PPARGC1B: variants seen among roughly 807,000 people sequenced by gnomAD.
PPARGC1B encodes the protein peroxisome proliferator-activated receptor gamma coactivator 1-beta.
In PPARGC1B, 34 loss-of-function variants were observed where a neutral mutation model predicts 101.6. The ratio of observed to expected loss-of-function variants is 0.33; its 90% CI spans 0.25 to 0.45. The LOEUF is 0.45. Ranked by LOEUF, PPARGC1B falls within the 20% of genes least tolerant of loss-of-function variation. The probability of loss-of-function intolerance (pLI) is 1.00; values close to 1 mark genes in which losing one functional copy is unlikely to be tolerated. For synonymous variants in PPARGC1B, 548 were observed against 539.3 expected (o/e 1.02, Z -0.22); for missense variants, 1,234 against 1,317.6 (o/e 0.94, Z 0.98).
chr5:149,731,953 G>T (rs905291638), intron 1 of PPARGC1B, among the ~76,000 whole-genome samples: 9 of 152,154 alleles, frequency 5.9e-5, no homozygotes, highest in Non-Finnish European at 1.0e-4. Flanking sequence ...GCGCGCTCGG[G>T]TGGGTTCGCG....
At position 149,832,096 on chromosome 5, in the gene PPARGC1B, C is replaced by T. The variant is rs1285337250; in HGVS notation, c.583-560C>T. 1.3e-5 allele frequency among the ~76,000 whole-genome samples: 2 copies of T among 151,968 alleles called. No individual in the cohort carries two copies. The highest frequency in any genetic ancestry group is 1.5e-5 in the Non-Finnish European group (1 of 67,986). On this transcript the variant is annotated intron_variant, in intron 4 of 11. Coordinates refer to ENST00000309241, the MANE Select transcript of PPARGC1B (RefSeq NM_133263.4). The surrounding 1 kb of genome is among the most constrained non-coding windows in gnomAD (Gnocchi z 4.9). ...CTGAGGCGGGAGGATCACTTGAGCT[C>T]AGGAGTTCAAGACCAGCCTGGCCAA...
chr5:149,812,912 A>G lies in PPARGC1B; in HGVS notation c.79-7521A>G, dbSNP rs564513396. ...GTGGGCTTCCACCCACTGGGAGGGG[A>G]ATGGGTAAGAGGCAGGCCAAATAAC... On this transcript the variant is annotated intron_variant, in intron 1 of 11. Coordinates refer to ENST00000309241, the MANE Select transcript of PPARGC1B (RefSeq NM_133263.4). Among the ~76,000 whole-genome samples the G allele has an allele frequency of 7.9e-5, 12 of 152,232 alleles. No homozygotes were observed. In the South Asian group the frequency reaches 2.5e-3, roughly 32 times the overall value.
intron 10 of PPARGC1B, among the ~76,000 whole-genome samples, chr5:149,843,715 A>G (rs1759438909): frequency 6.6e-6 from 1 of 152,238 alleles, no homozygotes; most frequent in African/African-American, 2.4e-5. Context: ...GACATTATTT[A>G]CAATAGCCAA....
chr5:149,756,476 A>C (rs1366996715), intron 1 of PPARGC1B, among the ~76,000 whole-genome samples: 2 of 152,034 alleles, frequency 1.3e-5, no homozygotes, highest in African/African-American at 4.8e-5. Context: ...AAAACAAAAA[A>C]CCAAAACAAC....
chr5:149,769,835 GCCCTGACCCTGA>G (rs143875388), intron 1 of PPARGC1B, among the ~76,000 whole-genome samples: 1 of 152,040 alleles, frequency 6.6e-6, no homozygotes, highest in Admixed American at 6.5e-5. Context: ...TCCTTCTCTG[GCCCTGACCCTGA>G]CCCTGACCCT....
intron 9 of PPARGC1B, among the ~76,000 whole-genome samples, chr5:149,841,460 T>G (rs1479023859): frequency 3.9e-5 from 6 of 152,202 alleles, no homozygotes; most frequent in Non-Finnish European, 7.3e-5. Flanking sequence ...GTTTTCTTCC[T>G]TGGCATGTGT....
chr5:149,741,957 C>G (rs1754924339), intron 1 of PPARGC1B, among the ~76,000 whole-genome samples: 1 of 152,092 alleles, frequency 6.6e-6, no homozygotes, highest in Non-Finnish European at 1.5e-5. Flanking sequence ...TAACATGAAC[C>G]CTGGTGTTAA....
At chr5:149,795,349 CATG>C (rs1757170180) in intron 1 of PPARGC1B, among the ~76,000 whole-genome samples, 1 of 152,156 alleles carries the variant, frequency 6.6e-6, no homozygotes, top group East Asian at 1.9e-4. Context: ...GGACCTATCT[CATG>C]AGGTACCTGC....
downstream of PPARGC1B, among the ~76,000 whole-genome samples, chr5:149,857,312 A>G (rs1759981168): frequency 6.6e-6 from 1 of 152,248 alleles, no homozygotes; most frequent in Non-Finnish European, 1.5e-5. Context: ...GGTGCTAACC[A>G]TAGTCCTCTG....
chr5:149,777,106 G>A (rs1459617652), intron 1 of PPARGC1B, among the ~76,000 whole-genome samples: 1 of 152,224 alleles, frequency 6.6e-6, no homozygotes, highest in African/African-American at 2.4e-5. Context: ...AGCAAGGCGA[G>A]GCTAGAATTC....
At chr5:149,749,500 C>A (rs923278303) in intron 1 of PPARGC1B, among the ~76,000 whole-genome samples, 1 of 152,188 alleles carries the variant, frequency 6.6e-6, no homozygotes, top group Non-Finnish European at 1.5e-5. Context: ...ATCTTGAATT[C>A]TTTTTGGAGC....
chr5:149,748,289 A>AT (rs941019542), intron 1 of PPARGC1B, among the ~76,000 whole-genome samples: 3 of 97,204 alleles, frequency 3.1e-5, no homozygotes, highest in African/African-American at 1.4e-4. Context: ...GGGTGAAGAG[A>AT]TATAGATATA....
At chr5:149,844,495 C>T (rs1561637357) in intron 10 of PPARGC1B, among the ~76,000 whole-genome samples, 1 of 152,108 alleles carries the variant, frequency 6.6e-6, no homozygotes, top group African/African-American at 2.4e-5. Flanking sequence ...AAAAATTACC[C>T]GGGCGTGGTG....
chr5:149,770,290 A>T lies in PPARGC1B; in HGVS notation c.78+39870A>T, dbSNP rs111351164. Among the ~76,000 whole-genome samples, 47 of 152,090 alleles carry T rather than the reference A, an allele frequency of 3.1e-4. 2 individuals are homozygous for T. The highest frequency in any genetic ancestry group is 1.1e-3 in the African/African-American group (46 of 41,476). On this transcript the variant is annotated intron_variant, in intron 1 of 11. Transcript: ENST00000309241. ...CTCTCTGGCTGTCAAATTCTATTCA[A>T]CTTCTTAGGATTCAAGTTTAAAAAA...
In PPARGC1B at chr5:149,757,571, C is replaced by T. The variant is rs142158996; in HGVS notation, c.78+27151C>T. On this transcript the variant is annotated intron_variant, in intron 1 of 11. Coordinates refer to ENST00000309241, the MANE Select transcript of PPARGC1B (RefSeq NM_133263.4). ...GAGTAGCCCTGCCAGCCTGTCCTGA[C>T]GGATGAGGGCTTCCTCGTTGGCTCT... 2.8e-3 allele frequency among the ~76,000 whole-genome samples: 431 copies of T among 152,308 alleles called. 1 individual carries two copies. Among genetic ancestry groups the T allele is most frequent in the African/African-American group, 9.2e-3 (381 of 41,570 alleles).
At chr5:149,774,744 C>T (rs763565135) in intron 1 of PPARGC1B, among the ~76,000 whole-genome samples, 1 of 152,070 alleles carries the variant, frequency 6.6e-6, no homozygotes, top group African/African-American at 2.4e-5. Flanking sequence ...CTCCCTCCTG[C>T]CTCTGGCCCT....
At chr5:149,739,100 G>T (rs903490452) in intron 1 of PPARGC1B, among the ~76,000 whole-genome samples, 1 of 152,226 alleles carries the variant, frequency 6.6e-6, no homozygotes, top group Non-Finnish European at 1.5e-5. Context: ...TTCTCTGAAA[G>T]AACTTTGTAT....
intron 1 of PPARGC1B, among the ~76,000 whole-genome samples, chr5:149,771,035 C>G (rs1756110100): frequency 2.0e-5 from 3 of 152,128 alleles, no homozygotes. Context: ...GGCCCCTCAT[C>G]ATTATCATCT....
chr5:149,843,839 G>T lies in PPARGC1B; in HGVS notation c.2816+1462G>T, dbSNP rs148327170. Among the ~76,000 whole-genome samples the T allele has an allele frequency of 6.4e-3, 977 of 152,324 alleles. 13 individuals are homozygous for T. Among genetic ancestry groups the T allele is most frequent in the African/African-American group, 0.022 (920 of 41,564 alleles). On this transcript the variant is annotated intron_variant, in intron 10 of 11. Coordinates refer to ENST00000309241, the MANE Select transcript of PPARGC1B (RefSeq NM_133263.4). ...AAAAAGGAAGGAAATTCTGACTCAC[G>T]TCACCACATGGATGAACCTGACAAC... is the stretch of plus-strand genomic sequence containing the variant.
Sources: gnomAD v4.1 joint callset for allele counts (sites outside exome capture counted in the v4.1 genomes callset) on GRCh38, gnomAD v4.1.1 for gene constraint, Gnocchi (gnomAD v3.1) non-coding constraint, MANE v1.5 for transcripts, NCBI Gene and HGNC (gene_info 2026-07-23, HGNC 2026-07-21) for gene names.